The following MYPN variants were observed in gnomAD, a reference collection of about 807,000 sequenced individuals.
The protein encoded by MYPN is sarcomeric protein myopalladin, 145 kDa (MYOP).
In MYPN, 63 loss-of-function variants were observed where a neutral mutation model predicts 129.4. The observed-to-expected ratio is 0.49, with a 90% CI of 0.40 to 0.60. The LOEUF is 0.60. Ranked by LOEUF, MYPN falls within the 20% of genes least tolerant of loss-of-function variation. The pLI, the probability that MYPN is intolerant of heterozygous loss-of-function variation, is 0.00. For missense variants in MYPN, 1,596 were observed against 1,635.4 expected, an observed-to-expected ratio of 0.98 and a Z score of 0.42; for synonymous variants, 629 against 600.9, an observed-to-expected ratio of 1.05 and a Z score of -0.68.
At position 68,170,001 on chromosome 10, in the gene MYPN, G is replaced by A. The variant is rs542484720; in HGVS notation, c.1973+3335G>A. On this transcript the variant is annotated intron_variant, in intron 10 of 19. Transcript: ENST00000358913. Reference sequence around the variant, plus strand: ...GATCTACCCACCTTGGCCTCCCAAAGTGCTGGGATTACAGGTGTGAGCCAC... The same window carrying A: ...GATCTACCCACCTTGGCCTCCCAAAATGCTGGGATTACAGGTGTGAGCCAC... 2.0e-5 allele frequency among the ~76,000 whole-genome samples: 3 copies of A among 152,290 alleles called. No individual in the cohort carries two copies. In the East Asian group the frequency reaches 5.8e-4, roughly 29 times the overall value.
In MYPN at chr10:68,175,423, A is replaced by G. The variant is rs755810442; in HGVS notation, c.2665A>G (p.Lys889Glu). Reference sequence around the variant, plus strand: ...GAACGCAGTGATTCGAGACTTGGGGAAAAAAATAACTTTCAGTGATGTCAG... The same window carrying G: ...GAACGCAGTGATTCGAGACTTGGGGGAAAAAATAACTTTCAGTGATGTCAG... The part of the protein sequence containing the change: ...TKNAVIRDLG[K>E]KITFSDVRPN... The change falls in exon 12 of 20, where the codon AAA becomes GAA. Residue 889 changes from lysine (K) to glutamate (E), a missense_variant. By Grantham distance (56) the Lys-to-Glu change is moderately conservative. Transcript: ENST00000358913. 6.2e-7 allele frequency: 1 copy of G among 1,613,708 alleles called. No individual in the cohort carries two copies.
At chr10:68,151,234 T>C (rs2042765146) in intron 6 of MYPN, among the ~76,000 whole-genome samples, 1 of 152,224 alleles carries the variant, frequency 6.6e-6, no homozygotes, top group Non-Finnish European at 1.5e-5. Flanking sequence ...ATCCATTTCA[T>C]GGGAGCTCTG....
chr10:68,194,662 A>G, intron 14 of MYPN, 150 bp downstream of exon 14: 1 of 927,980 alleles, frequency 1.1e-6, no homozygotes, highest in Non-Finnish European at 1.7e-6. Flanking sequence ...AGGGCACAGC[A>G]TCACAACTTA....
chr10:68,142,826 T>C (rs1233557943), intron 2 of MYPN, 114 bp from the exon 3 acceptor site: 2 of 1,013,232 alleles, frequency 2.0e-6, no homozygotes, highest in Non-Finnish European at 3.1e-6. Flanking sequence ...ATGGAGTTTT[T>C]TGTTGTTGTT....
rs570987067 is a variant in MYPN, at chr10:68,153,922, G to T, written c.1317+3811G>T. 1.6e-3 allele frequency among the ~76,000 whole-genome samples: 230 copies of T among 145,164 alleles called. 6 individuals carry two copies. In the South Asian group the frequency reaches 0.03, roughly 19 times the overall value. On this transcript the variant is annotated intron_variant, in intron 6 of 19. Coordinates refer to ENST00000358913, the MANE Select transcript of MYPN (RefSeq NM_032578.4). ...CTTTGCCAATCGTGGCAAGAAGCCA[G>T]TTTTTTTTTTTTTTAAAGCAACGCT...
intron 1 of MYPN, among the ~76,000 whole-genome samples, chr10:68,114,798 G>A (rs952345484): frequency 9.2e-5 from 14 of 152,158 alleles, no homozygotes; most frequent in African/African-American, 3.4e-4. Context: ...ATTTGCTAAA[G>A]TCTATCTTGA....
chr10:68,090,824 G>A (rs2133933506), intron 1 of MYPN, among the ~76,000 whole-genome samples: 1 of 152,266 alleles, frequency 6.6e-6, no homozygotes, highest in South Asian at 2.1e-4. Context: ...AAGTCCAGTT[G>A]GTTGACTGTC....
chr10:68,171,387 T>G (rs7919994), intron 10 of MYPN, among the ~76,000 whole-genome samples: 61,352 of 151,896 alleles, frequency 0.4, 14,051 homozygotes, highest in Non-Finnish European at 0.52. Flanking sequence ...GGCTTTGTGG[T>G]TGGCAGACCC....
At chr10:68,142,864 A>G in intron 2 of MYPN, 76 bp from the exon 3 acceptor site, 1 of 1,362,464 alleles carries the variant, frequency 7.3e-7, no homozygotes, top group Non-Finnish European at 1.1e-6. Flanking sequence ...AGCTCATTTA[A>G]GAGAATATCT....
intron 1 of MYPN, among the ~76,000 whole-genome samples, chr10:68,097,713 ACT>A (rs1413587795): frequency 6.6e-6 from 1 of 151,526 alleles, no homozygotes; most frequent in African/African-American, 2.4e-5. Flanking sequence ...ATACTAAATT[ACT>A]CTCTTCCTAA....
intron 15 of MYPN, 127 bp from the exon 16 acceptor site, chr10:68,197,225 C>G: frequency 2.2e-6 from 2 of 896,716 alleles, no homozygotes; most frequent in Non-Finnish European, 3.4e-6. Flanking sequence ...TATAGTCCAG[C>G]CTCCCCTTTC....
chr10:68,105,731 G>C (rs374003304), upstream of MYPN, among the ~76,000 whole-genome samples: 19 of 152,178 alleles, frequency 1.2e-4, no homozygotes, highest in South Asian at 3.3e-3. Flanking sequence ...TTGTTTTTTC[G>C]TATTTACCTT....
chr10:68,093,490 G>A (rs1465197745), intron 1 of MYPN, among the ~76,000 whole-genome samples: 2 of 149,854 alleles, frequency 1.3e-5, no homozygotes, highest in Non-Finnish European at 2.9e-5. Context: ...TGTAATCCCA[G>A]CACTTTGGGA....
chr10:68,175,327 T>A lies in MYPN; in HGVS notation c.2569T>A (p.Ser857Thr), dbSNP rs768419250. 13 of 1,613,818 alleles carry A rather than the reference T, an allele frequency of 8.1e-6. No homozygotes were observed. The Admixed American group carries it at 2.2e-4, about 27-fold the overall frequency. The change falls in exon 12 of 20, where the codon TCC becomes ACC. Residue 857 changes from serine (S) to threonine (T), a missense_variant. Coordinates refer to ENST00000358913, the MANE Select transcript of MYPN (RefSeq NM_032578.4). ...GLPRSAPSMP[S>T]QGLAKKNTKS... ...AGGTGTGGATTTATCTTACAGGCCA[T>A]CCCAGGGATTAGCGAAGAAAAATAC...
At chr10:68,115,226 T>C (rs1396875747) in intron 1 of MYPN, among the ~76,000 whole-genome samples, 7 of 126,848 alleles carry the variant, frequency 5.5e-5, no homozygotes, top group Non-Finnish European at 9.4e-5. Context: ...ACCACTGCAA[T>C]CCAGCCTGGG....
chr10:68,183,321 TG>T (rs2043368687), intron 12 of MYPN, among the ~76,000 whole-genome samples: 1 of 151,816 alleles, frequency 6.6e-6, no homozygotes, highest in African/African-American at 2.4e-5. Context: ...TAGCTAGGTG[TG>T]GGGGTGCTGT....
At chr10:68,172,597 C>T (rs932097313) in intron 10 of MYPN, among the ~76,000 whole-genome samples, 2 of 152,062 alleles carry the variant, frequency 1.3e-5, no homozygotes, top group African/African-American at 4.8e-5. Flanking sequence ...ATTCAATGGA[C>T]CATTAAGGCA....
intron 19 of MYPN, among the ~76,000 whole-genome samples, chr10:68,207,290 A>G (rs181700040): frequency 1.6e-4 from 24 of 152,288 alleles, no homozygotes; most frequent in African/African-American, 5.8e-4. Flanking sequence ...TAGATGGAAT[A>G]TGTTTCCATA....
rs1222774911 is a variant in MYPN, at chr10:68,150,031, T to A, written c.1246-9T>A. The stretch of plus-strand genomic sequence containing the variant: ...AACAATGAATTTACTGTTGCTTCCC[T>A]TCTACCAGTGTCAGAGCCCCACCAA... On this transcript the variant is annotated splice_polypyrimidine_tract_variant and intron_variant, in intron 5 of 19. Coordinates refer to ENST00000358913, the MANE Select transcript of MYPN (RefSeq NM_032578.4). 6.8e-6 allele frequency: 11 copies of A among 1,611,254 alleles called. No homozygotes were observed. The highest frequency in any genetic ancestry group is 9.3e-6 in the Non-Finnish European group (11 of 1,177,474).
Sources: allele counts gnomAD v4.1 joint callset (sites outside exome capture counted in the v4.1 genomes callset), GRCh38; gene constraint gnomAD v4.1.1; transcripts MANE v1.5; gene names NCBI Gene and HGNC (gene_info 2026-07-23, HGNC 2026-07-21).